The following BCAS3 variants were observed in gnomAD, a reference collection of about 807,000 sequenced individuals.
BCAS3 encodes BCAS4/BCAS3 fusion.
Under a neutral mutation model 116.1 loss-of-function variants are expected in BCAS3, and 53 were observed. That is an observed-to-expected ratio of 0.46 (90% confidence interval 0.37 to 0.57). The LOEUF (loss-of-function observed/expected upper bound fraction) is 0.57, where lower values mean the gene tolerates loss of function less well. BCAS3 is among the 20% of genes least tolerant of loss of function. The pLI, the probability that BCAS3 is intolerant of heterozygous loss-of-function variation, is 0.00. For synonymous variants in BCAS3, 391 were observed against 408.2 expected (o/e 0.96, Z 0.51); for missense variants, 917 against 1,165.4 (o/e 0.79, Z 3.10).
At chr17:60,965,191 G>T (rs1448133643) in intron 14 of BCAS3, among the ~76,000 whole-genome samples, 1 of 149,252 alleles carries the variant, frequency 6.7e-6, no homozygotes, top group Non-Finnish European at 1.5e-5. Flanking sequence ...TGTTAGTACT[G>T]CTTTTGCTAT....
At position 61,278,196 on chromosome 17, in the gene BCAS3, C is replaced by T. The variant is rs755495587; in HGVS notation, c.2426-90131C>T. Among the ~76,000 whole-genome samples the T allele has an allele frequency of 1.3e-5, 2 of 152,210 alleles. No homozygotes were observed. The highest frequency in any genetic ancestry group is 2.9e-5 in the Non-Finnish European group (2 of 68,038). On this transcript the variant is annotated intron_variant, in intron 22 of 23. Coordinates refer to ENST00000407086, the MANE Select transcript of BCAS3 (RefSeq NM_017679.5). This position sits in a 1 kb window ranked among gnomAD's most constrained non-coding sequence, Gnocchi z 5.8. The stretch of plus-strand genomic sequence containing the variant: ...TAGCTGGGATTACAGACACATGCCA[C>T]GATGCCCAGCTAATTTTTGTATTTT...
Position 61,243,333 on chromosome 17 carries a change from C to G in BCAS3, c.2426-124994C>G, listed in dbSNP as rs1046078027. On this transcript the variant is annotated intron_variant, in intron 22 of 23. Transcript: ENST00000407086. The surrounding 1 kb of genome is among the most constrained non-coding windows in gnomAD (Gnocchi z 5.6). ...TTCTTATTTAAAGCTGAGTAATATTCCATTGTGTCTATATACTATATTTTC... is the reference window on the plus strand; with the variant it reads ...TTCTTATTTAAAGCTGAGTAATATTGCATTGTGTCTATATACTATATTTTC... 3.3e-5 allele frequency among the ~76,000 whole-genome samples: 5 copies of G among 152,174 alleles called. No homozygotes were observed. Among genetic ancestry groups the G allele is most frequent in the Non-Finnish European group, 7.3e-5 (5 of 68,034 alleles).
chr17:60,870,140 C>T (rs1206017718), intron 8 of BCAS3, among the ~76,000 whole-genome samples: 1 of 152,152 alleles, frequency 6.6e-6, no homozygotes, highest in Non-Finnish European at 1.5e-5. Flanking sequence ...TCCTCATTCT[C>T]CAGAAACCGT....
At chr17:60,896,143 T>A (rs1273286318) in intron 10 of BCAS3, among the ~76,000 whole-genome samples, 7 of 152,150 alleles carry the variant, frequency 4.6e-5, no homozygotes, top group Admixed American at 4.6e-4. Flanking sequence ...CTGGCCAACA[T>A]GGCAAAATGC....
At chr17:61,053,210 A>G (rs2069047938) in intron 19 of BCAS3, among the ~76,000 whole-genome samples, 1 of 152,212 alleles carries the variant, frequency 6.6e-6, no homozygotes, top group African/African-American at 2.4e-5. Flanking sequence ...AACATGATTA[A>G]GGTTAAATTC....
chr17:60,896,918 T>G (rs1397249462), intron 10 of BCAS3, among the ~76,000 whole-genome samples: 1 of 152,198 alleles, frequency 6.6e-6, no homozygotes, highest in Non-Finnish European at 1.5e-5. Context: ...TTTTCTCTTA[T>G]TGTTTGATGT....
chr17:61,098,980 C>T lies in BCAS3; in HGVS notation c.2425+14416C>T, dbSNP rs149292829. Among the ~76,000 whole-genome samples, 972 of 152,118 alleles carry T rather than the reference C, an allele frequency of 6.4e-3. 13 individuals are homozygous for T. Among genetic ancestry groups the T allele is most frequent in the African/African-American group, 0.022 (900 of 41,512 alleles). On this transcript the variant is annotated intron_variant, in intron 22 of 23. Coordinates refer to ENST00000407086, the MANE Select transcript of BCAS3 (RefSeq NM_017679.5). The surrounding 1 kb of genome is among the most constrained non-coding windows in gnomAD (Gnocchi z 4.2). ...TCTACTAAAAATACGAAAAATTAGC[C>T]GGGCATGGTGGCGCACACCTGTAGT...
chr17:61,305,324 T>C (rs2053767685), intron 22 of BCAS3, among the ~76,000 whole-genome samples: 1 of 151,978 alleles, frequency 6.6e-6, no homozygotes, highest in African/African-American at 2.4e-5. Flanking sequence ...GGCAGCAGAG[T>C]ACCACTCACA....
chr17:61,392,012 A>T lies in BCAS3; in HGVS notation c.2629A>T (p.Asn877Tyr). The stretch of plus-strand genomic sequence containing the variant: ...AGAGGGAAGCATCGAGACTCTGAGT[A>T]ACAGCTCAGGCTCCACCAGCGGCAG... ...QREGSIETLS[N>Y]SSGSTSGSIP... Residue 877 changes from asparagine (N) to tyrosine (Y), a missense_variant, in exon 24 of 24, where the codon AAC (asparagine) becomes TAC (tyrosine). Transcript: ENST00000407086. This position sits in a 1 kb window ranked among gnomAD's most constrained non-coding sequence, Gnocchi z 6.4. The T allele has an allele frequency of 6.2e-7, 1 of 1,613,892 alleles. No individual in the cohort carries two copies. Among genetic ancestry groups the T allele is most frequent in the South Asian group, 1.1e-5 (1 of 91,082 alleles).
rs1294883481 is a variant in BCAS3, at chr17:61,145,340, A to G, written c.2425+60776A>G. Reference sequence around the variant, plus strand: ...CAGCAGCGGGGTCTGGCCTGCAGAAAGGAGCAGCCTGACCAAATTTACGCT... The same window carrying G: ...CAGCAGCGGGGTCTGGCCTGCAGAAGGGAGCAGCCTGACCAAATTTACGCT... On this transcript the variant is annotated intron_variant, in intron 22 of 23. Coordinates refer to ENST00000407086, the MANE Select transcript of BCAS3 (RefSeq NM_017679.5). The surrounding 1 kb of genome is among the most constrained non-coding windows in gnomAD (Gnocchi z 5.0). Among the ~76,000 whole-genome samples the G allele has an allele frequency of 1.3e-5, 2 of 152,218 alleles. No homozygotes were observed. Among genetic ancestry groups the G allele is most frequent in the Non-Finnish European group, 2.9e-5 (2 of 68,046 alleles).
In BCAS3 at chr17:60,956,230, T is replaced by G. The variant is rs978204046; in HGVS notation, c.1221+8878T>G. ...TGGGAGCCCAATAACTTGGTGTCTG[T>G]GTCCTTTTGACATATCTTCACCACT... On this transcript the variant is annotated intron_variant, in intron 14 of 23. Coordinates refer to ENST00000407086, the MANE Select transcript of BCAS3 (RefSeq NM_017679.5). The surrounding 1 kb of genome is among the most constrained non-coding windows in gnomAD (Gnocchi z 4.2). Among the ~76,000 whole-genome samples, 1 of 152,268 alleles carries G rather than the reference T, an allele frequency of 6.6e-6. No individual in the cohort carries two copies. Among genetic ancestry groups the G allele is most frequent in the East Asian group, 1.9e-4 (1 of 5,206 alleles).
At chr17:61,129,157 G>A (rs1474378664) in intron 22 of BCAS3, among the ~76,000 whole-genome samples, 1 of 152,192 alleles carries the variant, frequency 6.6e-6, no homozygotes, top group Non-Finnish European at 1.5e-5. Context: ...CTGAGGGTAT[G>A]GAGTAAGAAA....
intron 22 of BCAS3, among the ~76,000 whole-genome samples, chr17:61,297,758 G>C (rs572731660): frequency 6.6e-6 from 1 of 152,156 alleles, no homozygotes; most frequent in African/African-American, 2.4e-5. Flanking sequence ...ACAGGTGTTC[G>C]TGTTCACTGT....
chr17:60,914,455 G>A (rs2058673775), intron 12 of BCAS3, among the ~76,000 whole-genome samples: 1 of 152,120 alleles, frequency 6.6e-6, no homozygotes, highest in Admixed American at 6.5e-5. Context: ...TGTATTGGAA[G>A]GAAACATACA....
intron 23 of BCAS3, among the ~76,000 whole-genome samples, chr17:61,369,085 C>G (rs552229150): frequency 6.6e-6 from 1 of 152,206 alleles, no homozygotes; most frequent in Non-Finnish European, 1.5e-5. Flanking sequence ...TGTTCATGTG[C>G]GCACACACGC....
At chr17:60,920,731 G>A (rs770152127) in intron 12 of BCAS3, among the ~76,000 whole-genome samples, 47 of 152,082 alleles carry the variant, frequency 3.1e-4, no homozygotes, top group East Asian at 1.5e-3. Flanking sequence ...TTAGCTGGGC[G>A]TGGTGGCGGG....
rs1426159194 is a variant in BCAS3, at chr17:61,265,959, CT to C, written c.2426-102367del. 6.6e-6 allele frequency among the ~76,000 whole-genome samples: 1 copy of C among 152,128 alleles called. No individual in the cohort carries two copies. The highest frequency in any genetic ancestry group is 1.9e-4 in the East Asian group (1 of 5,204). On this transcript the variant is annotated intron_variant, in intron 22 of 23. Transcript: ENST00000407086. The surrounding 1 kb of genome is among the most constrained non-coding windows in gnomAD (Gnocchi z 4.3). Reference sequence around the variant, plus strand: ...AATCCAGTGTCACCTTTCATAGATACTAAAATATTTCCTTTCTTCATTTCTA... The same window carrying C: ...AATCCAGTGTCACCTTTCATAGATACAAAATATTTCCTTTCTTCATTTCTA...
At chr17:61,054,331 G>A (rs904586762) in intron 19 of BCAS3, among the ~76,000 whole-genome samples, 3 of 152,204 alleles carry the variant, frequency 2.0e-5, no homozygotes, top group Non-Finnish European at 4.4e-5. Flanking sequence ...GGGAAAAAAA[G>A]TGTGCGTGTC....
chr17:61,197,047 A>G (rs2080522555), intron 22 of BCAS3, among the ~76,000 whole-genome samples: 1 of 152,356 alleles, frequency 6.6e-6, no homozygotes, highest in South Asian at 2.1e-4. Flanking sequence ...GTTATTGCAC[A>G]TCTAATATAT....
Sources: gnomAD v4.1 joint callset for allele counts (sites outside exome capture counted in the v4.1 genomes callset) on GRCh38, gnomAD v4.1.1 for gene constraint, Gnocchi (gnomAD v3.1) non-coding constraint, MANE v1.5 for transcripts, NCBI Gene and HGNC (gene_info 2026-07-23, HGNC 2026-07-21) for gene names.